LRP2: variants seen among roughly 807,000 people sequenced by gnomAD.
The protein encoded by LRP2 is low-density lipoprotein receptor-related protein 2.
Under a neutral mutation model 531.0 loss-of-function variants are expected in LRP2, and 172 were observed. The ratio of observed to expected loss-of-function variants is 0.32; its 90% CI spans 0.29 to 0.37. The LOEUF (loss-of-function observed/expected upper bound fraction) is 0.37. Among genes scored for constraint, LRP2 ranks in the 10% least tolerant of loss-of-function variants. The pLI is 1.00. For missense variants in LRP2, 5,167 were observed against 5,868.3 expected (o/e 0.88, Z 3.90); for synonymous variants, 1,992 against 2,027.6 (o/e 0.98, Z 0.47).
At chr2:169,355,706 C>T (rs1001510012) in intron 1 of LRP2, among the ~76,000 whole-genome samples, 1 of 152,136 alleles carries the variant, frequency 6.6e-6, no homozygotes, top group Admixed American at 6.5e-5. Context: ...CAAAGGAGAA[C>T]ATGTTTAAGA....
rs141260047 is a variant in LRP2, at chr2:169,231,834, G to A, written c.5107C>T (p.Pro1703Ser). 2.6e-4 allele frequency: 422 copies of A among 1,613,892 alleles called. No individual in the cohort carries two copies. The highest frequency in any genetic ancestry group is 3.1e-4 in the Non-Finnish European group (370 of 1,179,964). The change falls in exon 31 of 79, where the codon CCA becomes TCA. Residue 1703 changes from proline (P) to serine (S), a missense_variant. By Grantham distance (74) the Pro-to-Ser change is moderately conservative (BLOSUM62 -1). This residue lies in a region of LRP2 where 2,811 missense variants were observed against 3,058.0 expected (regional missense o/e 0.92). Coordinates refer to ENST00000649046, the MANE Select transcript of LRP2 (RefSeq NM_004525.3). ...TGGCTGCAGCGGGAAAAGGCACATG[G>A]ATTCACGGCTGCATGAGAAAGAGAA... is the stretch of plus-strand genomic sequence containing the variant. ...HPSKQPNSVNPCAFSRCSHLC... is the reference protein window; with the variant it reads ...HPSKQPNSVNSCAFSRCSHLC...
At chr2:169,262,075 G>C (rs1690578843) in intron 16 of LRP2, among the ~76,000 whole-genome samples, 1 of 151,914 alleles carries the variant, frequency 6.6e-6, no homozygotes. Context: ...CAATAAACTA[G>C]GTATTGATGG....
At chr2:169,303,908 A>T (rs1487679863) in intron 4 of LRP2, among the ~76,000 whole-genome samples, 1 of 152,074 alleles carries the variant, frequency 6.6e-6, no homozygotes, top group South Asian at 2.1e-4. Flanking sequence ...TTGTACTTAA[A>T]TTTTTTTAAA....
chr2:169,175,180 C>T lies in LRP2; in HGVS notation c.10768+13G>A, dbSNP rs375334229. On this transcript the variant is annotated intron_variant, in intron 55 of 78. Transcript: ENST00000649046. Reference sequence around the variant, plus strand: ...AGAAGTCGGAAAAAGAGGCATAAAGCGACTCAACACACCACAAAGAAGACG... The same window carrying T: ...AGAAGTCGGAAAAAGAGGCATAAAGTGACTCAACACACCACAAAGAAGACG... The T allele has an allele frequency of 7.8e-5, 126 of 1,613,566 alleles. No individual in the cohort carries two copies. The African/African-American group carries it at 1.0e-3, about 13-fold the overall frequency.
At chr2:169,324,023 T>C (rs1344213288) in intron 1 of LRP2, among the ~76,000 whole-genome samples, 1 of 152,098 alleles carries the variant, frequency 6.6e-6, no homozygotes, top group Non-Finnish European at 1.5e-5. Flanking sequence ...GTCCCATCAA[T>C]CAGAATAGAT....
Position 169,197,045 on chromosome 2 carries a change from G to T in LRP2, c.8579-15C>A. ...CGTGTGAGTGGCTGCAGGAGGGAAA[G>T]AAGATAAAACCCATGAGCAAAACAC... On this transcript the variant is annotated splice_polypyrimidine_tract_variant and intron_variant, in intron 45 of 78. Transcript: ENST00000649046. The T allele has an allele frequency of 6.2e-7, 1 of 1,613,010 alleles. No homozygotes were observed.
In LRP2 at chr2:169,237,103, T is replaced by C. The variant is rs780353090; in HGVS notation, c.4691A>G (p.Asn1564Ser). The stretch of plus-strand genomic sequence containing the variant: ...ACATAATTTTAAAAAAAAGTCTTAC[T>C]TCATTCTGGGATCTAATGCTAGTCC... ...PRGLALDPRM[N>S]EHLLFWSDWG... Residue 1564 changes from asparagine to serine, a missense_variant and splice_region_variant, in exon 28 of 79, where the codon AAT becomes AGT. Asn to Ser is a conservative substitution (Grantham distance 46, BLOSUM62 1). Transcript: ENST00000649046. 2 of 1,613,338 alleles carry C rather than the reference T, an allele frequency of 1.2e-6. No individual in the cohort carries two copies. The highest frequency in any genetic ancestry group is 1.1e-5 in the South Asian group (1 of 91,056).
chr2:169,148,055 T>C (rs757192632), intron 68 of LRP2, among the ~76,000 whole-genome samples: 3 of 152,232 alleles, frequency 2.0e-5, no homozygotes, highest in Non-Finnish European at 2.9e-5. Flanking sequence ...TCATCAGGCA[T>C]AGGCCAAGTT....
intron 31 of LRP2, among the ~76,000 whole-genome samples, chr2:169,228,833 C>T (rs1053332335): frequency 5.3e-5 from 8 of 152,104 alleles, no homozygotes; most frequent in African/African-American, 1.9e-4. Context: ...AAGGAACTGG[C>T]CAGTAAGACA....
chr2:169,160,929 C>T (rs1213658992), intron 63 of LRP2, among the ~76,000 whole-genome samples: 1 of 152,168 alleles, frequency 6.6e-6, no homozygotes, highest in Non-Finnish European at 1.5e-5. Flanking sequence ...TTATTCATAC[C>T]TCTTCGTAAC....
In LRP2 at chr2:169,175,242, A is replaced by G. The variant is rs763114354; in HGVS notation, c.10719T>C (p.Asn3573=). ...GNCTSPQTLC[N]AHQNCPDGSD... ...ACCCATCAGGGCAATTTTGGTGAGC[A>G]TTGCATAAAGTCTGCGGGCTGGTGC... is the stretch of plus-strand genomic sequence containing the variant. The change falls in exon 55 of 79, where the codon AAT becomes AAC. Residue 3573 remains asparagine, a synonymous_variant. Transcript: ENST00000649046. 1.9e-6 allele frequency: 3 copies of G among 1,614,202 alleles called. No individual in the cohort carries two copies. Among genetic ancestry groups the G allele is most frequent in the South Asian group, 1.1e-5 (1 of 91,080 alleles).
intron 16 of LRP2, among the ~76,000 whole-genome samples, chr2:169,267,077 G>C (rs1340148910): frequency 6.6e-6 from 1 of 151,350 alleles, no homozygotes; most frequent in Non-Finnish European, 1.5e-5. Context: ...TTTGGTACAA[G>C]TGGAATCTCA....
intron 3 of LRP2, among the ~76,000 whole-genome samples, chr2:169,307,717 G>A (rs1684464492): frequency 6.6e-6 from 1 of 152,066 alleles, no homozygotes; most frequent in South Asian, 2.1e-4. Context: ...ATTAACCAAG[G>A]ACCCCCAACC....
chr2:169,203,110 C>A, intron 42 of LRP2, 151 bp from the exon 43 acceptor site: 2 of 697,392 alleles, frequency 2.9e-6, no homozygotes, highest in Non-Finnish European at 5.1e-6. Context: ...TAACTATATT[C>A]TGAGTCACTT....
chr2:169,168,045 A>ATATATATATATATATATATG (rs1558991118), intron 61 of LRP2, among the ~76,000 whole-genome samples: 2 of 135,026 alleles, frequency 1.5e-5, no homozygotes, highest in Non-Finnish European at 3.2e-5. Flanking sequence ...ATATATATAT[A>ATATATATATATATATATATG]TGCATCATTC....
chr2:169,287,669 A>C lies in LRP2; in HGVS notation c.1042+1357T>G, dbSNP rs958127712. Among the ~76,000 whole-genome samples, 18 of 151,582 alleles carry C rather than the reference A, an allele frequency of 1.2e-4. No homozygotes were observed. In the East Asian group the frequency reaches 2.7e-3, roughly 23 times the overall value. On this transcript the variant is annotated intron_variant, in intron 9 of 78. Transcript: ENST00000649046. ...AATAATAATAATAATAATAATAAAG[A>C]AAAAAAGAAAGGCTTTTCTGGCTAT...
intron 18 of LRP2, among the ~76,000 whole-genome samples, chr2:169,256,690 C>T (rs1256913351): frequency 6.6e-6 from 1 of 151,926 alleles, no homozygotes; most frequent in Non-Finnish European, 1.5e-5. Flanking sequence ...TTTTAAAGTC[C>T]TCCCAAAGTG....
intron 1 of LRP2, among the ~76,000 whole-genome samples, chr2:169,327,428 G>A (rs544374680): frequency 7.8e-6 from 1 of 128,028 alleles, no homozygotes; most frequent in East Asian, 2.5e-4. Flanking sequence ...CCCCGTCCGG[G>A]AGGGAGGTGG....
At chr2:169,144,443 G>A (rs62172577) in intron 70 of LRP2, among the ~76,000 whole-genome samples, 89,774 of 122,260 alleles carry the variant, frequency 0.73, 29,946 homozygotes, top group South Asian at 0.81. Context: ...AGCATCAGCT[G>A]CCGGAGGGAG....
Sources: gnomAD v4.1 joint callset for allele counts (sites outside exome capture counted in the v4.1 genomes callset) on GRCh38, gnomAD v4.1.1 for gene constraint, gnomAD v4.1.1 regional missense constraint, MANE v1.5 for transcripts, NCBI Gene and HGNC (gene_info 2026-07-23, HGNC 2026-07-21) for gene names.